VAV3: variants seen among roughly 807,000 people sequenced by gnomAD.
VAV3 encodes guanine nucleotide exchange factor VAV3.
In VAV3, 94 loss-of-function variants were observed where a neutral mutation model predicts 131.2. The observed-to-expected ratio is 0.72, with a 90% CI of 0.61 to 0.85. The LOEUF is 0.85. Among genes scored for constraint, VAV3 ranks in the 40% least tolerant of loss-of-function variants. The pLI is 0.00. For synonymous variants in VAV3, 349 were observed against 342.0 expected (o/e 1.02, Z -0.22); for missense variants, 939 against 1,002.7 (o/e 0.94, Z 0.86).
intron 15 of VAV3, among the ~76,000 whole-genome samples, chr1:107,711,484 T>C (rs557675252): frequency 2.4e-4 from 37 of 152,306 alleles, no homozygotes; most frequent in African/African-American, 8.4e-4. Context: ...CCTTATCACT[T>C]AGTACCACAG....
chr1:107,683,626 G>C (rs755473402), intron 18 of VAV3, 93 bp from the exon 19 acceptor site: 31 of 1,229,448 alleles, frequency 2.5e-5, no homozygotes, highest in Non-Finnish European at 3.6e-5. Context: ...GAAAGCAAAT[G>C]AATGTTGCAC....
chr1:107,759,065 C>T (rs1482614440), intron 10 of VAV3, among the ~76,000 whole-genome samples: 1 of 152,110 alleles, frequency 6.6e-6, no homozygotes, highest in Non-Finnish European at 1.5e-5. Context: ...TTTAACTGTG[C>T]TGGTTCTGTA....
chr1:107,749,371 TA>T, intron 14 of VAV3, 90 bp downstream of exon 14: 1 of 1,361,274 alleles, frequency 7.3e-7, no homozygotes, highest in Non-Finnish European at 9.8e-7. Flanking sequence ...TCTGGATTGA[TA>T]AGCCATATCT....
At chr1:107,589,162 T>C (rs1281637722) in intron 25 of VAV3, among the ~76,000 whole-genome samples, 2 of 152,168 alleles carry the variant, frequency 1.3e-5, no homozygotes, top group African/African-American at 4.8e-5. Context: ...AGTTTAAAAT[T>C]AATACAGTGG....
chr1:107,952,177 G>A (rs528925462), intron 1 of VAV3, among the ~76,000 whole-genome samples: 63 of 152,036 alleles, frequency 4.1e-4, no homozygotes, highest in Non-Finnish European at 7.9e-4. Flanking sequence ...GATAGCGCTG[G>A]AGGCCATTAT....
At position 107,598,503 on chromosome 1, in the gene VAV3, A is replaced by G. The variant is rs1651574707; in HGVS notation, c.2221-2162T>C. 2.0e-5 allele frequency among the ~76,000 whole-genome samples: 3 copies of G among 152,308 alleles called. No individual in the cohort carries two copies. In the South Asian group the frequency reaches 6.2e-4, roughly 32 times the overall value. On this transcript the variant is annotated intron_variant, in intron 24 of 26. Coordinates refer to ENST00000370056, the MANE Select transcript of VAV3 (RefSeq NM_006113.5). ...TTAGGGTCTTCCAAATATTATATCTATAACTTGAAAAATATGTATTTCTTC... is the reference window on the plus strand; with the variant it reads ...TTAGGGTCTTCCAAATATTATATCTGTAACTTGAAAAATATGTATTTCTTC...
At chr1:107,787,329 G>A (rs1666062325) in intron 2 of VAV3, among the ~76,000 whole-genome samples, 1 of 152,138 alleles carries the variant, frequency 6.6e-6, no homozygotes, top group South Asian at 2.1e-4. Context: ...AGGATACAAT[G>A]CTTCCTGCTC....
chr1:107,690,699 C>T (rs1420530121), intron 17 of VAV3, among the ~76,000 whole-genome samples: 1 of 152,162 alleles, frequency 6.6e-6, no homozygotes, highest in Non-Finnish European at 1.5e-5. Flanking sequence ...TACACAAAGC[C>T]TTCTCTGTGT....
chr1:107,881,034 A>G (rs1253060277), intron 1 of VAV3, among the ~76,000 whole-genome samples: 1 of 152,222 alleles, frequency 6.6e-6, no homozygotes, highest in African/African-American at 2.4e-5. Flanking sequence ...TGCCAAAGCA[A>G]TGGAGTCAGG....
At chr1:107,638,621 A>G (rs1281592603) in intron 20 of VAV3, among the ~76,000 whole-genome samples, 7 of 152,198 alleles carry the variant, frequency 4.6e-5, no homozygotes, top group Admixed American at 2.0e-4. Flanking sequence ...CTACAATTCA[A>G]TGAGATTCCA....
intron 1 of VAV3, among the ~76,000 whole-genome samples, chr1:107,875,667 T>C (rs1025058960): frequency 2.0e-5 from 3 of 152,272 alleles, no homozygotes; most frequent in Middle Eastern, 3.4e-3. Flanking sequence ...CTGACTGATA[T>C]GGGAGGTCAT....
intron 1 of VAV3, among the ~76,000 whole-genome samples, chr1:107,887,588 C>T (rs1250373590): frequency 6.6e-6 from 1 of 151,972 alleles, no homozygotes; most frequent in African/African-American, 2.4e-5. Flanking sequence ...CAAATTACAT[C>T]CCTCATATTG....
intron 19 of VAV3, chr1:107,668,977 G>C (rs889225058): frequency 1.0e-6 from 1 of 994,958 alleles, no homozygotes; most frequent in Non-Finnish European, 1.2e-6. Context: ...ATACGGGTGT[G>C]GGGTTCAGGA....
intron 20 of VAV3, among the ~76,000 whole-genome samples, chr1:107,635,857 A>G (rs746748847): frequency 1.3e-5 from 2 of 152,218 alleles, no homozygotes; most frequent in Admixed American, 6.5e-5. Context: ...CGGAATTCCT[A>G]TGTCCGAATA....
intron 10 of VAV3, among the ~76,000 whole-genome samples, chr1:107,759,593 A>T (rs1664304308): frequency 6.6e-6 from 1 of 152,190 alleles, no homozygotes; most frequent in African/African-American, 2.4e-5. Flanking sequence ...GTAGTATCCA[A>T]ATAAAACTTT....
At chr1:107,713,863 C>T (rs968654825) in intron 15 of VAV3, among the ~76,000 whole-genome samples, 1 of 152,058 alleles carries the variant, frequency 6.6e-6, no homozygotes, top group Non-Finnish European at 1.5e-5. Context: ...CACCTAAATG[C>T]TCATCATCTC....
At chr1:107,801,917 T>A (rs1485025180) in intron 2 of VAV3, among the ~76,000 whole-genome samples, 1 of 152,150 alleles carries the variant, frequency 6.6e-6, no homozygotes, top group Non-Finnish European at 1.5e-5. Context: ...GCCTCTTCAA[T>A]TTCTTTCGTC....
At chr1:107,575,158 A>T (rs2100982660) in intron 25 of VAV3, among the ~76,000 whole-genome samples, 1 of 152,324 alleles carries the variant, frequency 6.6e-6, no homozygotes, top group Admixed American at 6.5e-5. Flanking sequence ...GCTTTATATT[A>T]ACTTCTCTAC....
At chr1:107,777,329 A>G (rs1258088061) in intron 3 of VAV3, 33 bp from the exon 4 acceptor site, 2 of 1,599,106 alleles carry the variant, frequency 1.3e-6, no homozygotes, top group African/African-American at 1.3e-5. Flanking sequence ...AAACAAAAAA[A>G]CAAACCCATG....
Sources: gnomAD v4.1 joint callset for allele counts (sites outside exome capture counted in the v4.1 genomes callset) on GRCh38, gnomAD v4.1.1 for gene constraint, MANE v1.5 for transcripts, NCBI Gene and HGNC (gene_info 2026-07-23, HGNC 2026-07-21) for gene names.